The following LDHAL6A variants were observed in gnomAD, a reference collection of about 807,000 sequenced individuals.
The protein encoded by LDHAL6A is lactate dehydrogenase A like 6A, also known as L-lactate dehydrogenase A-like 6A.
LDHAL6A carries 19 observed loss-of-function variants against 28.2 expected under a neutral mutation model. The observed-to-expected ratio is 0.67, with a 90% confidence interval of 0.47 to 0.99. The LOEUF (loss-of-function observed/expected upper bound fraction) is 0.99. LDHAL6A is among the 50% of genes least tolerant of loss of function. The probability of loss-of-function intolerance (pLI) is 0.00; values close to 1 mark genes in which losing one functional copy is unlikely to be tolerated. For synonymous variants in LDHAL6A, 144 were observed against 134.4 expected, an observed-to-expected ratio of 1.07 and a Z score of -0.49; for missense variants, 372 against 398.6, an observed-to-expected ratio of 0.93 and a Z score of 0.57.
chr11:18,467,896 T>TATATATATATATATATATACACACAC (rs1849117964), intron 3 of LDHAL6A, among the ~76,000 whole-genome samples: 4 of 68,568 alleles, frequency 5.8e-5, no homozygotes, highest in African/African-American at 3.2e-4. Context: ...TATATATATA[T>TATATATATATATATATATACACACAC]ATATATATAT....
chr11:18,463,754 G>T (rs565202856), intron 1 of LDHAL6A, among the ~76,000 whole-genome samples: 22 of 152,140 alleles, frequency 1.4e-4, no homozygotes, highest in Non-Finnish European at 2.5e-4. Flanking sequence ...TTTTCCTCAT[G>T]ATGAGCTGAA....
intron 1 of LDHAL6A, among the ~76,000 whole-genome samples, chr11:18,462,647 C>A (rs1234953561): frequency 0.15 from 9,162 of 63,112 alleles, 647 homozygotes; most frequent in Middle Eastern, 0.18. Context: ...AAAAAACAAA[C>A]AAACAAACAA....
intron 1 of LDHAL6A, among the ~76,000 whole-genome samples, chr11:18,457,785 G>C (rs1486735554): frequency 2.6e-5 from 4 of 151,996 alleles, no homozygotes; most frequent in Non-Finnish European, 4.4e-5. Flanking sequence ...AGGAGGTCTC[G>C]GCTTCCTAAA....
At chr11:18,467,201 G>A (rs1231495559) in intron 3 of LDHAL6A, among the ~76,000 whole-genome samples, 2 of 152,198 alleles carry the variant, frequency 1.3e-5, no homozygotes, top group Non-Finnish European at 2.9e-5. Context: ...AACAGTGAGT[G>A]CATGATTAAG....
intron 1 of LDHAL6A, among the ~76,000 whole-genome samples, chr11:18,461,081 G>A (rs1025241133): frequency 5.3e-5 from 8 of 151,872 alleles, no homozygotes; most frequent in South Asian, 4.2e-4. Context: ...CAGGTGATCC[G>A]CCCGCCTTGG....
intron 1 of LDHAL6A, among the ~76,000 whole-genome samples, chr11:18,460,043 T>C (rs1297732971): frequency 1.3e-5 from 2 of 152,194 alleles, no homozygotes; most frequent in Admixed American, 6.5e-5. Context: ...CCTGGCTGCT[T>C]GTAATGCAGC....
chr11:18,475,601 G>A lies in LDHAL6A; in HGVS notation c.554G>A (p.Cys185Tyr), dbSNP rs1175159209. 1.9e-5 allele frequency: 30 copies of A among 1,614,048 alleles called. No homozygotes were observed. Among genetic ancestry groups the A allele is most frequent in the Middle Eastern group, 3.3e-4 (2 of 6,084 alleles). ...GQRLGIHSES[C>Y]HGLILGEHGD... ...AGGCTTGGCATCCACTCTGAAAGCT[G>A]TCATGGGCTGATCCTTGGAGAGCAT... Residue 185 changes from cysteine (C) to tyrosine (Y), a missense_variant, in exon 4 of 7, where the codon TGT becomes TAT. Coordinates refer to ENST00000280706, the MANE Select transcript of LDHAL6A (RefSeq NM_144972.5).
chr11:18,467,926 C>T (rs796518291), intron 3 of LDHAL6A, among the ~76,000 whole-genome samples: 16,419 of 54,694 alleles, frequency 0.3, 3,547 homozygotes, highest in East Asian at 0.44. Context: ...TATACACACA[C>T]ATATATATAT....
At chr11:18,467,922 C>T (rs1419510620) in intron 3 of LDHAL6A, among the ~76,000 whole-genome samples, 56 of 46,480 alleles carry the variant, frequency 1.2e-3, no homozygotes, top group East Asian at 2.8e-3. Context: ...TATATATACA[C>T]ACACATATAT....
intron 2 of LDHAL6A, among the ~76,000 whole-genome samples, chr11:18,464,813 C>T (rs1192465678): frequency 6.6e-6 from 1 of 151,898 alleles, no homozygotes; most frequent in Non-Finnish European, 1.5e-5. Context: ...TCACTTGGCA[C>T]CTGGGAGATA....
rs373597180 is a variant in LDHAL6A at position 18,465,775 on chromosome 11, G to C, written c.383G>C (p.Ser128Thr). 5.6e-6 allele frequency: 9 copies of C among 1,613,044 alleles called. No homozygotes were observed. In the Admixed American group the frequency reaches 6.7e-5, roughly 12 times the overall value. Residue 128 changes from serine (S) to threonine (T), a missense_variant, in exon 3 of 7, where the codon AGT (serine) becomes ACT (threonine). Transcript: ENST00000280706. ...ATGATTCCCAATATTACCCAGTACAGTCCTCACTGCAAACTGCTTATTGTT... is the reference window on the plus strand; with the variant it reads ...ATGATTCCCAATATTACCCAGTACACTCCTCACTGCAAACTGCTTATTGTT... ...KLMIPNITQY[S>T]PHCKLLIVTN...
chr11:18,458,493 G>A (rs910492269), intron 1 of LDHAL6A, among the ~76,000 whole-genome samples: 3 of 152,158 alleles, frequency 2.0e-5, no homozygotes, highest in Non-Finnish European at 4.4e-5. Flanking sequence ...TGCTAACTAT[G>A]GCATTTGTAT....
intron 1 of LDHAL6A, among the ~76,000 whole-genome samples, chr11:18,462,732 C>T (rs1324381014): frequency 6.6e-6 from 1 of 151,358 alleles, no homozygotes; most frequent in Non-Finnish European, 1.5e-5. Context: ...ACTCAGGAAG[C>T]TGAGGCAGGA....
chr11:18,478,665 C>T (rs1298420568), intron 6 of LDHAL6A, 41 bp from the exon 7 acceptor site: 2 of 1,515,414 alleles, frequency 1.3e-6, no homozygotes, highest in East Asian at 2.3e-5. Flanking sequence ...TATTGCAGAA[C>T]TTTGTTAAAA....
intron 3 of LDHAL6A, among the ~76,000 whole-genome samples, chr11:18,472,640 T>G (rs1228628108): frequency 8.5e-5 from 13 of 152,202 alleles, no homozygotes; most frequent in Admixed American, 8.5e-4. Flanking sequence ...AGGATAGAAT[T>G]TGATGCATTT....
chr11:18,477,452 TAA>T (rs112745078), intron 5 of LDHAL6A, among the ~76,000 whole-genome samples, 166 bp from the exon 6 acceptor site: 3 of 144,330 alleles, frequency 2.1e-5, no homozygotes, highest in African/African-American at 2.6e-5. Flanking sequence ...GAGCAAGACT[TAA>T]AAAAAAAAAA....
chr11:18,477,570 T>G (rs1241788133), intron 5 of LDHAL6A, 50 bp from the exon 6 acceptor site: 1 of 1,532,996 alleles, frequency 6.5e-7, no homozygotes, highest in Non-Finnish European at 8.8e-7. Context: ...AAGTGGAAGT[T>G]CAATGACAAG....
At chr11:18,476,213 G>A (rs555532417) in intron 4 of LDHAL6A, among the ~76,000 whole-genome samples, 171 bp from the exon 5 acceptor site, 1 of 152,294 alleles carries the variant, frequency 6.6e-6, no homozygotes, top group East Asian at 1.9e-4. Flanking sequence ...ATAGAATTGT[G>A]GATCCCCATC....
chr11:18,464,525 A>T (rs770778360), intron 2 of LDHAL6A, among the ~76,000 whole-genome samples: 3 of 151,958 alleles, frequency 2.0e-5, no homozygotes, highest in Non-Finnish European at 4.4e-5. Flanking sequence ...GACCAGCCTG[A>T]CTAACATACA....
Sources: gnomAD v4.1 joint callset for allele counts (sites outside exome capture counted in the v4.1 genomes callset) on GRCh38, gnomAD v4.1.1 for gene constraint, MANE v1.5 for transcripts, NCBI Gene and HGNC (gene_info 2026-07-23, HGNC 2026-07-21) for gene names.